The following CNIH2 variants were observed in gnomAD, a reference collection of about 807,000 sequenced individuals.
CNIH2 encodes protein cornichon homolog 2.
A neutral mutation model predicts 22.9 loss-of-function variants in CNIH2; 8 were observed. The ratio of observed to expected loss-of-function variants is 0.35; its 90% CI spans 0.20 to 0.63. The LOEUF is 0.63. CNIH2 is among the 30% of genes least tolerant of loss of function. The probability of loss-of-function intolerance (pLI) is 0.72; values close to 1 mark genes in which losing one functional copy is unlikely to be tolerated. For synonymous variants in CNIH2, 74 were observed against 78.2 expected (o/e 0.95, Z 0.28); for missense variants, 105 against 206.2 (o/e 0.51, Z 3.01).
chr11:66,279,193 C>T (rs1857219844), intron 1 of CNIH2, among the ~76,000 whole-genome samples: 1 of 151,926 alleles, frequency 6.6e-6, no homozygotes, highest in South Asian at 2.1e-4. Context: ...CTTCCTGTCC[C>T]CCTTCCCCTT....
At chr11:66,278,794 C>T (rs544208356) in intron 1 of CNIH2, among the ~76,000 whole-genome samples, 1 of 150,390 alleles carries the variant, frequency 6.6e-6, no homozygotes, top group Non-Finnish European at 1.5e-5. Context: ...GTCCTCTGCT[C>T]CCATGCAGCC....
At chr11:66,283,498 G>C in intron 5 of CNIH2, 72 bp from the exon 6 acceptor site, 2 of 1,608,430 alleles carry the variant, frequency 1.2e-6, no homozygotes, top group East Asian at 2.2e-5. Flanking sequence ...GGGCAGCCCA[G>C]GGTGTGACCA....
chr11:66,280,075 A>T (rs1004752560), intron 1 of CNIH2, among the ~76,000 whole-genome samples: 1 of 152,144 alleles, frequency 6.6e-6, no homozygotes, highest in Non-Finnish European at 1.5e-5. Flanking sequence ...TTCCCCACCC[A>T]GGGCCTTCCC....
chr11:66,282,248 C>T lies in CNIH2; in HGVS notation c.82-11C>T, dbSNP rs1282628772. 6.2e-7 allele frequency: 1 copy of T among 1,612,996 alleles called. No individual in the cohort carries two copies. Among genetic ancestry groups the T allele is most frequent in the South Asian group, 1.1e-5 (1 of 91,070 alleles). Reference sequence around the variant, plus strand: ...TGCCCCAACCCTGACGGGCACACGCCCCTCCCCCAGATCATAGCCTTTGAT... The same window carrying T: ...TGCCCCAACCCTGACGGGCACACGCTCCTCCCCCAGATCATAGCCTTTGAT... On this transcript the variant is annotated splice_polypyrimidine_tract_variant and intron_variant, in intron 1 of 5. Transcript: ENST00000311445.
chr11:66,281,107 C>T (rs2134878707), intron 1 of CNIH2, among the ~76,000 whole-genome samples: 1 of 152,304 alleles, frequency 6.6e-6, no homozygotes, highest in Middle Eastern at 3.4e-3. Context: ...AGTCTGGCTC[C>T]TAAAGAGCTG....
chr11:66,282,680 T>TC, intron 2 of CNIH2, 53 bp from the exon 3 acceptor site: 2 of 1,605,212 alleles, frequency 1.2e-6, no homozygotes, highest in Non-Finnish European at 1.7e-6. Flanking sequence ...TGGGAGCTGC[T>TC]CCAGTACCTG....
intron 1 of CNIH2, among the ~76,000 whole-genome samples, 179 bp downstream of exon 1, chr11:66,278,716 C>A (rs1200449381): frequency 6.6e-6 from 1 of 151,002 alleles, no homozygotes; most frequent in Non-Finnish European, 1.5e-5. Context: ...CCCGGGGCCC[C>A]CCTTCCTCCG....
Position 66,282,256 on chromosome 11 carries a change from C to G in CNIH2, c.82-3C>G, listed in dbSNP as rs2134880174. ...CCCTGACGGGCACACGCCCCTCCCC[C>G]AGATCATAGCCTTTGATGAGCTGCG... is the stretch of plus-strand genomic sequence containing the variant. On this transcript the variant is annotated splice_region_variant and splice_polypyrimidine_tract_variant and intron_variant, in intron 1 of 5. Transcript: ENST00000311445. The G allele has an allele frequency of 6.2e-7, 1 of 1,613,684 alleles. No individual in the cohort carries two copies. Among genetic ancestry groups the G allele is most frequent in the Middle Eastern group, 1.6e-4 (1 of 6,062 alleles).
In CNIH2 at chr11:66,282,721, T is replaced by C. The variant is rs200653156; in HGVS notation, c.151-12T>C. On this transcript the variant is annotated splice_polypyrimidine_tract_variant and intron_variant, in intron 2 of 5. Transcript: ENST00000311445. ...CCGCCACCCCATCGCGGCCTTTTCC[T>C]TCCCCCAACAGCGCGAGCGTTTAAA... The C allele has an allele frequency of 4.0e-5, 64 of 1,613,684 alleles. No homozygotes were observed. Among genetic ancestry groups the C allele is most frequent in the Non-Finnish European group, 5.0e-5 (59 of 1,179,936 alleles).
chr11:66,283,870 G>C lies in CNIH2; in HGVS notation c.*273G>C, dbSNP rs759820496. The C allele has an allele frequency of 7.5e-5, 36 of 481,566 alleles. No individual in the cohort carries two copies. The highest frequency in any genetic ancestry group is 1.1e-4 in the Non-Finnish European group (28 of 266,472). 29.8% of individuals were successfully genotyped at this position (481,566 alleles called of 1,614,324 possible). A position where few individuals can be genotyped will look rare whatever the true frequency, so the allele number is the denominator to read the frequency against. ...ATGGCAGTCATTCCTGGAAGGGGCA[G>C]GACCTCCGGCCTTGTCCATTTCGGG... On this transcript the variant is annotated 3_prime_UTR_variant, in exon 6 of 6. Coordinates refer to ENST00000311445, the MANE Select transcript of CNIH2 (RefSeq NM_182553.3).
rs150988199 is a variant in CNIH2, at chr11:66,283,742, C to T, written c.*145C>T. 29 of 853,000 alleles carry T rather than the reference C, an allele frequency of 3.4e-5. 1 individual carries two copies. The highest frequency in any genetic ancestry group is 3.6e-4 in the Middle Eastern group (1 of 2,782). The allele number at this position is 853,000 out of a possible 1,614,324, so 52.8% of individuals were successfully genotyped here. On this transcript the variant is annotated 3_prime_UTR_variant, in exon 6 of 6. Transcript: ENST00000311445. Reference sequence around the variant, plus strand: ...CTCTCCAACCCCCAAACTGCTGCTGCGGGGAACCCCCCCCACCCCGCCTTC... The same window carrying T: ...CTCTCCAACCCCCAAACTGCTGCTGTGGGGAACCCCCCCCACCCCGCCTTC...
At chr11:66,282,665 A>C (rs1857278869) in intron 2 of CNIH2, 68 bp from the exon 3 acceptor site, 3 of 1,569,350 alleles carry the variant, frequency 1.9e-6, no homozygotes, top group Non-Finnish European at 2.6e-6. Flanking sequence ...CCACATGTGG[A>C]GCGGTGGGAG....
intron 3 of CNIH2, 49 bp from the exon 4 acceptor site, chr11:66,282,986 T>C (rs541034346): frequency 1.1e-4 from 170 of 1,523,946 alleles, no homozygotes; most frequent in Admixed American, 6.2e-4. Context: ...CCTTGAAGGC[T>C]GGTCTGTCAT....
chr11:66,278,550 T>G lies in CNIH2; in HGVS notation c.81+13T>G. 2 of 332,942 alleles carry G rather than the reference T, an allele frequency of 6.0e-6. No individual in the cohort carries two copies. The highest frequency in any genetic ancestry group is 2.7e-5 in the South Asian group (1 of 36,796). The allele number at this position is 332,942 out of a possible 1,614,324, so 20.6% of individuals were successfully genotyped here. On this transcript the variant is annotated intron_variant, in intron 1 of 5. Coordinates refer to ENST00000311445, the MANE Select transcript of CNIH2 (RefSeq NM_182553.3). The stretch of plus-strand genomic sequence containing the variant: ...TGTCATCTGGCACGTAAGGCCGGGC[T>G]GGGGCTGGGGCTGGGGGCGGGGTGG...
chr11:66,282,369 T>A, intron 2 of CNIH2, 42 bp downstream of exon 2: 1 of 1,588,616 alleles, frequency 6.3e-7, no homozygotes. Context: ...TCCGTCCGTC[T>A]GTCTTTCCAT....
In CNIH2 at chr11:66,278,356, A is replaced by G. The variant is rs1857194158; in HGVS notation, c.-101A>G. 3.2e-6 allele frequency: 1 copy of G among 315,284 alleles called. No individual in the cohort carries two copies. Among genetic ancestry groups the G allele is most frequent in the Non-Finnish European group, 4.5e-6 (1 of 220,670 alleles). 19.5% of individuals were successfully genotyped at this position (315,284 alleles called of 1,614,324 possible). A position where few individuals can be genotyped will look rare whatever the true frequency, so the allele number is the denominator to read the frequency against. ...GCATCACCCACGTCCCCCGAGCCCCACGGGCCATGCCCGGCCGGCCCTAAG... is the reference window on the plus strand; with the variant it reads ...GCATCACCCACGTCCCCCGAGCCCCGCGGGCCATGCCCGGCCGGCCCTAAG... On this transcript the variant is annotated 5_prime_UTR_variant, in exon 1 of 6. Coordinates refer to ENST00000311445, the MANE Select transcript of CNIH2 (RefSeq NM_182553.3).
At chr11:66,283,439 G>A (rs779341306) in intron 5 of CNIH2, 48 bp downstream of exon 5, 31 of 1,612,118 alleles carry the variant, frequency 1.9e-5, no homozygotes, top group Non-Finnish European at 2.6e-5. Flanking sequence ...GGATGTCCCA[G>A]CATCACGCTT....
chr11:66,282,823 T>A, intron 3 of CNIH2, 43 bp downstream of exon 3: 6 of 1,586,630 alleles, frequency 3.8e-6, no homozygotes, highest in Non-Finnish European at 3.4e-6. Flanking sequence ...AGCCCAGCGC[T>A]GCCCCCACTG....
Position 66,282,257 on chromosome 11 carries a change from A to C in CNIH2, c.82-2A>C. On this transcript the variant is annotated splice_acceptor_variant, in intron 1 of 5. Coordinates refer to ENST00000311445, the MANE Select transcript of CNIH2 (RefSeq NM_182553.3). LOFTEE classifies it high-confidence loss of function. ...CCTGACGGGCACACGCCCCTCCCCCAGATCATAGCCTTTGATGAGCTGCGG... is the reference window on the plus strand; with the variant it reads ...CCTGACGGGCACACGCCCCTCCCCCCGATCATAGCCTTTGATGAGCTGCGG... 1 of 1,613,720 alleles carries C rather than the reference A, an allele frequency of 6.2e-7. No homozygotes were observed. Among genetic ancestry groups the C allele is most frequent in the Non-Finnish European group, 8.5e-7 (1 of 1,179,916 alleles).
Sources: gnomAD v4.1 joint callset for allele counts (sites outside exome capture counted in the v4.1 genomes callset) on GRCh38, gnomAD v4.1.1 for gene constraint, MANE v1.5 for transcripts, NCBI Gene and HGNC (gene_info 2026-07-23, HGNC 2026-07-21) for gene names.